Variants in FARP1 observed in about 807,000 individuals in gnomAD.
FARP1 encodes the protein FERM, ARH/RhoGEF and pleckstrin domain protein 1.
FARP1 carries 52 observed loss-of-function variants against 128.8 expected under a neutral mutation model. The ratio of observed to expected loss-of-function variants is 0.40; its 90% CI spans 0.32 to 0.51. The LOEUF is 0.51. Ranked by LOEUF, FARP1 falls within the 20% of genes least tolerant of loss-of-function variation. FARP1 has a pLI of 0.45. For missense variants in FARP1, 1,333 were observed against 1,367.9 expected, an observed-to-expected ratio of 0.97 and a Z score of 0.40; for synonymous variants, 580 against 551.8, an observed-to-expected ratio of 1.05 and a Z score of -0.72.
Position 98,306,316 on chromosome 13 carries a change from G to A in FARP1, c.172-37446G>A, listed in dbSNP as rs189460960. 1.7e-4 allele frequency among the ~76,000 whole-genome samples: 26 copies of A among 152,256 alleles called. No individual in the cohort carries two copies. In the East Asian group the frequency reaches 4.8e-3, roughly 28 times the overall value. On this transcript the variant is annotated intron_variant, in intron 2 of 26. Transcript: ENST00000319562. ...GACCCACTCTAGTACCTTTTCTTAC[G>A]AGGGGAAGAGGTGGGAGGGGACTAG...
intron 6 of FARP1, among the ~76,000 whole-genome samples, chr13:98,378,244 T>C (rs1294359121): frequency 1.3e-5 from 2 of 152,254 alleles, no homozygotes; most frequent in Non-Finnish European, 2.9e-5. Context: ...TGTCCTGTTC[T>C]TGGATTTAAA....
intron 18 of FARP1, 53 bp downstream of exon 18, chr13:98,431,333 G>A (rs1360536596): frequency 6.0e-6 from 8 of 1,336,686 alleles, no homozygotes; most frequent in Non-Finnish European, 8.3e-6. Flanking sequence ...TTCAGGCCGG[G>A]TGCTCCCAGA....
At chr13:98,287,171 A>G (rs1885212012) in intron 2 of FARP1, among the ~76,000 whole-genome samples, 1 of 141,722 alleles carries the variant, frequency 7.1e-6, no homozygotes, top group Non-Finnish European at 1.5e-5. Context: ...TCAATGTCAT[A>G]GGCATTTGTC....
intron 16 of FARP1, among the ~76,000 whole-genome samples, chr13:98,417,313 C>G (rs1365630264): frequency 2.0e-5 from 3 of 151,862 alleles, no homozygotes; most frequent in African/African-American, 7.3e-5. Context: ...AGAATCAGAT[C>G]TTCAAGGAAG....
intron 1 of FARP1, among the ~76,000 whole-genome samples, chr13:98,192,374 G>T (rs1391101178): frequency 6.6e-6 from 1 of 151,992 alleles, no homozygotes; most frequent in Non-Finnish European, 1.5e-5. Context: ...ATCAACCCCA[G>T]CAATGTAACA....
intron 2 of FARP1, chr13:98,234,838 G>A (rs1882327840): frequency 6.6e-6 from 1 of 152,132 alleles, no homozygotes. Context: ...GTGCCGCCAA[G>A]CCCATCTTTC....
At chr13:98,262,045 T>C (rs1883909209) in intron 2 of FARP1, among the ~76,000 whole-genome samples, 1 of 143,884 alleles carries the variant, frequency 7.0e-6, no homozygotes, top group Non-Finnish European at 1.5e-5. Flanking sequence ...AGATGGAGTC[T>C]TACTCTGTCA....
At chr13:98,299,022 A>G (rs1298457002) in intron 2 of FARP1, among the ~76,000 whole-genome samples, 3 of 152,322 alleles carry the variant, frequency 2.0e-5, no homozygotes, top group Middle Eastern at 6.8e-3. Flanking sequence ...GAGGGATGGA[A>G]CAGGAAAGCG....
chr13:98,336,694 A>G (rs1887759030), intron 2 of FARP1, among the ~76,000 whole-genome samples: 1 of 152,216 alleles, frequency 6.6e-6, no homozygotes, highest in African/African-American at 2.4e-5. Flanking sequence ...GGCTTTCCCC[A>G]TGAATGTAAA....
At chr13:98,229,847 C>T (rs1264143023) in intron 2 of FARP1, among the ~76,000 whole-genome samples, 1 of 152,162 alleles carries the variant, frequency 6.6e-6, no homozygotes, top group Non-Finnish European at 1.5e-5. Context: ...CTTGCAGTAT[C>T]TCACTTGAGT....
chr13:98,398,377 G>A (rs1209177792), intron 13 of FARP1: 1 of 152,132 alleles, frequency 6.6e-6, no homozygotes, highest in Admixed American at 6.5e-5. Context: ...GGACCTCAGA[G>A]GTTCTTCTGG....
chr13:98,265,523 T>G (rs1156989235), intron 2 of FARP1, among the ~76,000 whole-genome samples: 9 of 150,728 alleles, frequency 6.0e-5, no homozygotes, highest in Admixed American at 6.6e-5. Context: ...GTTTCACCGT[T>G]TTAGCCGGGA....
chr13:98,154,154 C>T (rs1283172373), intron 1 of FARP1, among the ~76,000 whole-genome samples: 1 of 152,180 alleles, frequency 6.6e-6, no homozygotes, highest in Non-Finnish European at 1.5e-5. Context: ...GGATGTACCA[C>T]AGTGTGTTTA....
At chr13:98,393,821 T>C (rs1890406072) in intron 12 of FARP1, 103 bp downstream of exon 12, 1 of 862,952 alleles carries the variant, frequency 1.2e-6, no homozygotes. Context: ...TCCTTTCCTT[T>C]GGGGTTTTTA....
At position 98,260,165 on chromosome 13, in the gene FARP1, G is replaced by A. The variant is rs145759819; in HGVS notation, c.171+46752G>A. Among the ~76,000 whole-genome samples the A allele has an allele frequency of 7.2e-3, 1,094 of 152,128 alleles. 14 individuals carry two copies. Among genetic ancestry groups the A allele is most frequent in the African/African-American group, 0.024 (1,010 of 41,490 alleles). Reference sequence around the variant, plus strand: ...AAAAAAGCACACACACACGCCCCTCGTCAAGTTTCCTAATACAAGTTTTAC... The same window carrying A: ...AAAAAAGCACACACACACGCCCCTCATCAAGTTTCCTAATACAAGTTTTAC... On this transcript the variant is annotated intron_variant, in intron 2 of 26. Transcript: ENST00000319562.
Position 98,187,221 on chromosome 13 carries a change from T to TA in FARP1, c.-23-25998dup, listed in dbSNP as rs1463010480. On this transcript the variant is annotated intron_variant, in intron 1 of 26. Coordinates refer to ENST00000319562, the MANE Select transcript of FARP1 (RefSeq NM_005766.4). ...TCTTTCCAAAATGATTGCACTGACT[T>TA]ATGTCCCTTCCCTTGCAGGTAGAAT... is the stretch of plus-strand genomic sequence containing the variant. Among the ~76,000 whole-genome samples the TA allele has an allele frequency of 5.3e-5, 8 of 152,162 alleles. 1 individual carries two copies. The highest frequency in any genetic ancestry group is 1.9e-4 in the African/African-American group (8 of 41,444).
At chr13:98,247,932 G>A (rs755896192) in intron 2 of FARP1, among the ~76,000 whole-genome samples, 5 of 152,278 alleles carry the variant, frequency 3.3e-5, no homozygotes, top group South Asian at 2.1e-4. Context: ...ATCAGCAGTC[G>A]TATGATAAGA....
In FARP1 at chr13:98,410,784, C is replaced by A; in HGVS notation, c.1653C>A (p.Thr551=). ...AYFIAKEVST[T]ERTYLKDLEV... is the part of the protein sequence containing the mutation. ...TCATAGCTAAGGAAGTGTCTACCAC[C>A]GAGCGAACATATCTGAAGGATCTCG... The change falls in exon 15 of 27, where the codon ACC becomes ACA. Residue 551 remains threonine, a synonymous_variant. Transcript: ENST00000319562. 1 of 1,604,318 alleles carries A rather than the reference C, an allele frequency of 6.2e-7. No homozygotes were observed. The highest frequency in any genetic ancestry group is 8.5e-7 in the Non-Finnish European group (1 of 1,173,308).
At chr13:98,361,849 T>C (rs4772070) in intron 3 of FARP1, among the ~76,000 whole-genome samples, 67,114 of 151,694 alleles carry the variant, frequency 0.44, 16,441 homozygotes, top group Non-Finnish European at 0.58. Context: ...TAAGCCAGTG[T>C]CCTGGGTTTT....
Sources: gnomAD v4.1 joint callset for allele counts (sites outside exome capture counted in the v4.1 genomes callset) on GRCh38, gnomAD v4.1.1 for gene constraint, MANE v1.5 for transcripts, NCBI Gene and HGNC (gene_info 2026-07-23, HGNC 2026-07-21) for gene names.